The following MYCBP2 variants were observed in gnomAD, a reference collection of about 807,000 sequenced individuals.
MYCBP2 encodes the protein MYC binding protein 2.
A neutral mutation model predicts 525.3 loss-of-function variants in MYCBP2; 120 were observed. The observed-to-expected ratio is 0.23, with a 90% CI of 0.20 to 0.27. MYCBP2 has a LOEUF of 0.27. Ranked by LOEUF, MYCBP2 falls within the 10% of genes least tolerant of loss-of-function variation. The probability of loss-of-function intolerance (pLI) is 1.00; values close to 1 mark genes in which losing one functional copy is unlikely to be tolerated. For synonymous variants in MYCBP2, 1,894 were observed against 1,955.8 expected (o/e 0.97, Z 0.83); for missense variants, 4,149 against 5,657.1 (o/e 0.73, Z 8.55).
chr13:77,200,257 G>A (rs1332546653), intron 26 of MYCBP2, among the ~76,000 whole-genome samples: 3 of 152,160 alleles, frequency 2.0e-5, no homozygotes, highest in African/African-American at 7.2e-5. Context: ...AGAAGCCTCA[G>A]GAGCCGATGA....
chr13:77,083,635 T>C (rs1387690495), intron 62 of MYCBP2, among the ~76,000 whole-genome samples: 3 of 152,020 alleles, frequency 2.0e-5, no homozygotes, highest in African/African-American at 7.2e-5. Flanking sequence ...TTATGTGAAT[T>C]AGAAAAAAAA....
At chr13:77,214,056 C>T (rs767209241) in intron 21 of MYCBP2, among the ~76,000 whole-genome samples, 7 of 152,172 alleles carry the variant, frequency 4.6e-5, no homozygotes, top group Non-Finnish European at 8.8e-5. Flanking sequence ...ACCTTCAATG[C>T]CAAAATACTA....
chr13:77,191,323 C>T (rs56126821), intron 28 of MYCBP2, among the ~76,000 whole-genome samples: 3,391 of 152,246 alleles, frequency 0.022, 57 homozygotes, highest in Middle Eastern at 0.075. Context: ...TTCTCATGCA[C>T]TATCAAATTT....
intron 60 of MYCBP2, 51 bp from the exon 61 acceptor site, chr13:77,089,082 T>C: frequency 7.6e-7 from 1 of 1,308,720 alleles, no homozygotes; most frequent in Non-Finnish European, 1.0e-6. Context: ...GCATATATAT[T>C]TAAGATAATA....
In MYCBP2 at chr13:77,098,815, C is replaced by G; in HGVS notation, c.8339G>C (p.Arg2780Thr). 6.2e-7 allele frequency: 1 copy of G among 1,613,546 alleles called. No homozygotes were observed. The highest frequency in any genetic ancestry group is 8.5e-7 in the Non-Finnish European group (1 of 1,179,742). ...TAATGACCTACTGTGGGAATCTGACCTCAACTTTGCAGCATCAGATTTTAA... is the reference window on the plus strand; with the variant it reads ...TAATGACCTACTGTGGGAATCTGACGTCAACTTTGCAGCATCAGATTTTAA... ...LILKSDAAKL[R>T]SDSHSRSLSP... The change falls in exon 56 of 83, where the codon AGG (arginine) becomes ACG (threonine). Residue 2780 changes from arginine to threonine, a missense_variant. By Grantham distance (71) the Arg-to-Thr change is moderately conservative (BLOSUM62 -1). Around this residue, in one of 21 missense-constraint regions of MYCBP2, gnomAD observed 653 missense variants for 744.7 expected, o/e 0.88. Coordinates refer to ENST00000544440, the MANE Select transcript of MYCBP2 (RefSeq NM_015057.5).
intron 1 of MYCBP2, among the ~76,000 whole-genome samples, chr13:77,298,372 T>C (rs983342818): frequency 3.3e-5 from 5 of 152,214 alleles, no homozygotes; most frequent in Non-Finnish European, 2.9e-5. Context: ...TTATGTTTCA[T>C]TGTACAGCCA....
chr13:77,133,027 T>C (rs1368398238), intron 52 of MYCBP2, among the ~76,000 whole-genome samples: 1 of 152,164 alleles, frequency 6.6e-6, no homozygotes, highest in Non-Finnish European at 1.5e-5. Context: ...TTATAAGTAT[T>C]TATCTTTCTG....
intron 17 of MYCBP2, among the ~76,000 whole-genome samples, chr13:77,236,275 AG>A (rs1489702512): frequency 1.3e-5 from 2 of 152,192 alleles, no homozygotes; most frequent in Non-Finnish European, 2.9e-5. Flanking sequence ...TGAGTAAAAT[AG>A]GGGTATGAGA....
At chr13:77,251,428 CA>C (rs1286349115) in intron 14 of MYCBP2, 73 bp from the exon 15 acceptor site, 3 of 1,299,942 alleles carry the variant, frequency 2.3e-6, no homozygotes, top group Middle Eastern at 1.9e-4. Flanking sequence ...CTATATTTCC[CA>C]GTTTAAAAAA....
intron 79 of MYCBP2, 85 bp downstream of exon 79, chr13:77,056,901 G>C: frequency 9.7e-7 from 1 of 1,032,776 alleles, no homozygotes; most frequent in East Asian, 2.4e-5. Context: ...GTAAAACCAA[G>C]AGATACTGAC....
intron 48 of MYCBP2, among the ~76,000 whole-genome samples, chr13:77,145,410 T>C (rs890506485): frequency 2.6e-5 from 4 of 152,204 alleles, no homozygotes; most frequent in Non-Finnish European, 4.4e-5. Context: ...TACCGTTTAA[T>C]TTAAGGAATG....
rs757587384 is a variant in MYCBP2, at chr13:77,061,689, A to G, written c.12876T>C (p.His4292=). The change falls in exon 75 of 83, where the codon CAT becomes CAC. Residue 4292 remains histidine (H), a synonymous_variant. Coordinates refer to ENST00000544440, the MANE Select transcript of MYCBP2 (RefSeq NM_015057.5). ...CTDCDRFLHL[H]RRTKTHQRQV... ...GTCTTTGATGAGTTTTGGTTCTTCG[A>G]TGAAGGTGAAGGAATCTGTCACAGT... 6.2e-7 allele frequency: 1 copy of G among 1,611,058 alleles called. No homozygotes were observed. Among genetic ancestry groups the G allele is most frequent in the Admixed American group, 1.7e-5 (1 of 59,602 alleles).
At chr13:77,272,473 T>C (rs1456907553) in intron 5 of MYCBP2, 1 of 152,252 alleles carries the variant, frequency 6.6e-6, no homozygotes, top group Non-Finnish European at 1.5e-5. Flanking sequence ...AAATCTGGTA[T>C]ATGGTATCTG....
intron 60 of MYCBP2, 120 bp from the exon 61 acceptor site, chr13:77,089,151 A>G (rs888732359): frequency 2.1e-5 from 15 of 719,338 alleles, no homozygotes; most frequent in Non-Finnish European, 3.0e-5. Context: ...GACACAAATC[A>G]TAACAATTTC....
rs549007663 is a variant in MYCBP2, at chr13:77,288,254, T to G, written c.501A>C (p.Ser167=). The change falls in exon 3 of 83, where the codon TCA becomes TCC. Residue 167 remains serine, a synonymous_variant. Coordinates refer to ENST00000544440, the MANE Select transcript of MYCBP2 (RefSeq NM_015057.5). ...CAGAGTTCTTAGATGCGGCTGCCAA[T>G]GATATTTCCTTTTTCTGCCATTCCA... ...CVLEWQKKEI[S]LAAASKNSVQ... is the part of the protein sequence containing the mutation. The G allele has an allele frequency of 6.2e-7, 1 of 1,614,212 alleles. No individual in the cohort carries two copies. Among genetic ancestry groups the G allele is most frequent in the Admixed American group, 1.7e-5 (1 of 60,028 alleles).
At chr13:77,293,583 G>C (rs2077719216) in intron 2 of MYCBP2, among the ~76,000 whole-genome samples, 1 of 152,214 alleles carries the variant, frequency 6.6e-6, no homozygotes, top group Admixed American at 6.5e-5. Flanking sequence ...CTCTGTATAT[G>C]TGATTAAACT....
chr13:77,322,482 C>T (rs2081788106), intron 1 of MYCBP2, among the ~76,000 whole-genome samples: 1 of 152,108 alleles, frequency 6.6e-6, no homozygotes, highest in African/African-American at 2.4e-5. Flanking sequence ...TTCTTTAACC[C>T]TAAATCAACT....
rs1164157380 is a variant in MYCBP2, at chr13:77,206,821, G to T, written c.3421C>A (p.Arg1141=). The change falls in exon 24 of 83, where the codon CGA becomes AGA. Residue 1141 remains arginine (R), a synonymous_variant. Coordinates refer to ENST00000544440, the MANE Select transcript of MYCBP2 (RefSeq NM_015057.5). ...DPVYDVIWRF[R]PNTRELWCYN... The stretch of plus-strand genomic sequence containing the variant: ...CACCACAGCTCTCTAGTATTTGGTC[G>T]AAACCTTTAAAGAAAAAGAATAATT... 2.5e-6 allele frequency: 4 copies of T among 1,584,914 alleles called. No homozygotes were observed. The African/African-American group carries it at 5.4e-5, about 21-fold the overall frequency.
intron 47 of MYCBP2, among the ~76,000 whole-genome samples, chr13:77,148,784 G>A (rs1363193834): frequency 3.3e-5 from 5 of 152,036 alleles, no homozygotes; most frequent in Middle Eastern, 3.4e-3. Flanking sequence ...CATTTTATCC[G>A]CTTTGTTTCA....
Sources: allele counts gnomAD v4.1 joint callset (sites outside exome capture counted in the v4.1 genomes callset), GRCh38; gene constraint gnomAD v4.1.1; regional missense constraint gnomAD v4.1.1; transcripts MANE v1.5; gene names NCBI Gene and HGNC (gene_info 2026-07-23, HGNC 2026-07-21).